Variants in PKD1 observed in about 807,000 individuals in gnomAD.
PKD1 encodes the protein polycystin-1.
In PKD1, 81 loss-of-function variants were observed where a neutral mutation model predicts 361.7. The observed-to-expected ratio is 0.22, with a 90% CI of 0.19 to 0.27. The LOEUF is 0.27. Ranked by LOEUF, PKD1 falls within the 10% of genes least tolerant of loss-of-function variation. PKD1 has a pLI of 1.00. For synonymous variants in PKD1, 3,615 were observed against 2,818.3 expected (o/e 1.28, Z -8.95); for missense variants, 6,399 against 6,118.3 (o/e 1.05, Z -1.53).
intron 1 of PKD1, among the ~76,000 whole-genome samples, chr16:2,121,422 AAAGAG>A (rs1431848594): frequency 2.0e-5 from 3 of 152,160 alleles, no homozygotes; most frequent in Admixed American, 2.0e-4. Flanking sequence ...GGGAGGAAAG[AAAGAG>A]AAAACTCCAA....
chr16:2,103,178 C>T, intron 23 of PKD1, 88 bp downstream of exon 23: 1 of 1,424,726 alleles, frequency 7.0e-7, no homozygotes, highest in East Asian at 2.4e-5. Flanking sequence ...CAAATTTCAC[C>T]AGAGACACCC....
Position 2,089,515 on chromosome 16 carries a change from C to T in PKD1, c.*212G>A, listed in dbSNP as rs1567141636. ...AACCGTCCAATACTGCTGTGTCCTTCCCAAGGGAGCTGGGGAGGGGACCCT... is the reference window on the plus strand; with the variant it reads ...AACCGTCCAATACTGCTGTGTCCTTTCCAAGGGAGCTGGGGAGGGGACCCT... On this transcript the variant is annotated 3_prime_UTR_variant, in exon 46 of 46. Transcript: ENST00000262304. 9.8e-6 allele frequency: 6 copies of T among 612,868 alleles called. No individual in the cohort carries two copies. Among genetic ancestry groups the T allele is most frequent in the East Asian group, 5.5e-5 (2 of 36,204 alleles). 38.0% of individuals were successfully genotyped at this position (612,868 alleles called of 1,614,324 possible).
intron 34 of PKD1, chr16:2,095,180 T>TG (rs112050776): frequency 0.18 from 26,612 of 152,010 alleles, 3,581 homozygotes; most frequent in African/African-American, 0.37. Flanking sequence ...GAGGCTGAGA[T>TG]GGGTGGATCA....
rs776529978 is a variant in PKD1, at chr16:2,110,369, T to C, written c.4798A>G (p.Thr1600Ala). ...PIPGGPTISY[T>A]FRSVGTFNII... ...TTGAAGGTGCCCACGGAGCGGAAGG[T>C]GTAAGAGATGGTAGGACCCCCAGGG... Residue 1600 changes from threonine to alanine, a missense_variant, in exon 15 of 46, where the codon ACC becomes GCC. By Grantham distance (58) the Thr-to-Ala change is moderately conservative. Coordinates refer to ENST00000262304, the MANE Select transcript of PKD1 (RefSeq NM_001009944.3). The C allele has an allele frequency of 1.2e-6, 2 of 1,612,296 alleles. No homozygotes were observed. Among genetic ancestry groups the C allele is most frequent in the East Asian group, 2.2e-5 (1 of 44,856 alleles).
chr16:2,103,314 T>A lies in PKD1; in HGVS notation c.8743A>T (p.Asn2915Tyr). ...TGCAGATGCAGCCCGGCCGCAGGGT[T>A]GCTGCTGTCCAGGGTGACCACAGCA... ...VGAVVTLDSSNPAAGLHLQLN... is the reference protein window; with the variant it reads ...VGAVVTLDSSYPAAGLHLQLN... The change falls in exon 23 of 46, where the codon AAC becomes TAC. Residue 2915 changes from asparagine to tyrosine, a missense_variant. Asn to Tyr is a moderately radical substitution (Grantham distance 143, BLOSUM62 -2). Transcript: ENST00000262304. The A allele has an allele frequency of 6.2e-7, 1 of 1,608,438 alleles. No individual in the cohort carries two copies. The highest frequency in any genetic ancestry group is 1.1e-5 in the South Asian group (1 of 90,982).
rs748155379 is a variant in PKD1 at position 2,102,912 on chromosome 16, G to A, written c.8850C>T (p.Pro2950=). 133 of 1,609,592 alleles carry A rather than the reference G, an allele frequency of 8.3e-5. No homozygotes were observed. Among genetic ancestry groups the A allele is most frequent in the Non-Finnish European group, 8.5e-5 (100 of 1,179,776 alleles). The change falls in exon 24 of 46, where the codon CCC becomes CCT. Residue 2950 remains proline, a synonymous_variant. Coordinates refer to ENST00000262304, the MANE Select transcript of PKD1 (RefSeq NM_001009944.3). ...CCGAGCAGTTGTGCTCATTGGGCCGGGGCTCCGAGTGTAGGTAGACTGCCA... is the reference window on the plus strand; with the variant it reads ...CCGAGCAGTTGTGCTCATTGGGCCGAGGCTCCGAGTGTAGGTAGACTGCCA... The part of the protein sequence containing the change: ...PYLAVYLHSE[P]RPNEHNCSAS...
chr16:2,115,297 G>A (rs2092612909), intron 10 of PKD1, 81 bp downstream of exon 10: 3 of 1,369,630 alleles, frequency 2.2e-6, no homozygotes, highest in Non-Finnish European at 2.0e-6. Flanking sequence ...TGTGTCTGGT[G>A]CACAGACCCA....
At position 2,111,118 on chromosome 16, in the gene PKD1, G is replaced by C. The variant is rs777460980; in HGVS notation, c.4049C>G (p.Thr1350Arg). Residue 1350 changes from threonine (T) to arginine (R), a missense_variant, in exon 15 of 46, where the codon ACG (threonine) becomes AGG (arginine). By Grantham distance (71) the Thr-to-Arg change is moderately conservative (BLOSUM62 -1). Coordinates refer to ENST00000262304, the MANE Select transcript of PKD1 (RefSeq NM_001009944.3). Reference sequence around the variant, plus strand: ...CGCCAGGGGGAACGTGCCGCTCCGCGTGAAGTTGTGTGTCACCGTCGGGCA... The same window carrying C: ...CGCCAGGGGGAACGTGCCGCTCCGCCTGAAGTTGTGTGTCACCGTCGGGCA... ...RGCPTVTHNFTRSGTFPLALV... is the reference protein window; with the variant it reads ...RGCPTVTHNFRRSGTFPLALV... 6.2e-7 allele frequency: 1 copy of C among 1,610,866 alleles called. No individual in the cohort carries two copies. Among genetic ancestry groups the C allele is most frequent in the South Asian group, 1.1e-5 (1 of 91,004 alleles).
Position 2,091,132 on chromosome 16 carries a change from C to T in PKD1, c.11755G>A (p.Ala3919Thr). 1.3e-6 allele frequency: 2 copies of T among 1,483,852 alleles called. No homozygotes were observed. Among genetic ancestry groups the T allele is most frequent in the South Asian group, 2.5e-5 (2 of 79,766 alleles). The allele number at this position is 1,483,852 out of a possible 1,614,324, so 91.9% of individuals were successfully genotyped here. A position where few individuals can be genotyped will look rare whatever the true frequency, so the allele number is the denominator to read the frequency against. Reference sequence around the variant, plus strand: ...CGCCCTTCCCTGTGCCAAGTACGGGCCTCGGCCACGGCGAAGTGCACGGCG... The same window carrying T: ...CGCCCTTCCCTGTGCCAAGTACGGGTCTCGGCCACGGCGAAGTGCACGGCG... ...LFAVHFAVAEARTWHREGRWR... is the reference protein window; with the variant it reads ...LFAVHFAVAETRTWHREGRWR... The change falls in exon 43 of 46, where the codon GCC becomes ACC. Residue 3919 changes from alanine to threonine, a missense_variant. Transcript: ENST00000262304.
chr16:2,123,828 A>G (rs2092758923), intron 1 of PKD1, among the ~76,000 whole-genome samples: 1 of 152,218 alleles, frequency 6.6e-6, no homozygotes, highest in Non-Finnish European at 1.5e-5. Context: ...AGCCAGGTGC[A>G]CAGGGACAGC....
intron 1 of PKD1, 24 bp downstream of exon 1, chr16:2,135,451 G>A (rs1388540498): frequency 2.6e-6 from 3 of 1,166,564 alleles, no homozygotes; most frequent in Non-Finnish European, 3.2e-6. Flanking sequence ...GCCTCTCCCG[G>A]GTGCCGCTGG....
rs1265239800 is a variant in PKD1, at chr16:2,103,504, C to T, written c.8553G>A (p.Met2851Ile). Reference sequence around the variant, plus strand: ...GGGCGCCGGCCTGTGTCTGGAATGCCATCGAGGCCACCTTGGTGGAGACGG... The same window carrying T: ...GGGCGCCGGCCTGTGTCTGGAATGCTATCGAGGCCACCTTGGTGGAGACGG... ...NYTVSTKVAS[M>I]AFQTQAGAQI... Residue 2851 changes from methionine (M) to isoleucine (I), a missense_variant, in exon 23 of 46, where the codon ATG becomes ATA. Met to Ile is a conservative substitution (Grantham distance 10, BLOSUM62 1). Coordinates refer to ENST00000262304, the MANE Select transcript of PKD1 (RefSeq NM_001009944.3). 6.2e-7 allele frequency: 1 copy of T among 1,604,528 alleles called. No homozygotes were observed. Among genetic ancestry groups the T allele is most frequent in the South Asian group, 1.1e-5 (1 of 90,994 alleles).
chr16:2,103,834 G>A lies in PKD1; in HGVS notation c.8223C>T (p.Ala2741=), dbSNP rs768694524. The A allele has an allele frequency of 6.2e-6, 10 of 1,607,528 alleles. No individual in the cohort carries two copies. The highest frequency in any genetic ancestry group is 4.1e-5 in the African/African-American group (3 of 73,982). The stretch of plus-strand genomic sequence containing the variant: ...ACGCCACCATCCGAGATGGTGACTC[G>A]GCTCCCAGCTCTGAGGGCTGTGGTG... The part of the protein sequence containing the change: ...VRAPQPSELG[A]ESPSRMVASQ... The change falls in exon 23 of 46, where the codon GCC becomes GCT. Residue 2741 remains alanine (A), a synonymous_variant. Transcript: ENST00000262304.
chr16:2,111,281 C>A lies in PKD1; in HGVS notation c.3886G>T (p.Val1296Leu), dbSNP rs1352723913. The A allele has an allele frequency of 6.2e-7, 1 of 1,609,430 alleles. No homozygotes were observed. Among genetic ancestry groups the A allele is most frequent in the Non-Finnish European group, 8.5e-7 (1 of 1,179,468 alleles). The change falls in exon 15 of 46, where the codon GTG becomes TTG. Residue 1296 changes from valine to leucine, a missense_variant. Val to Leu is a conservative substitution (Grantham distance 32, BLOSUM62 1). Coordinates refer to ENST00000262304, the MANE Select transcript of PKD1 (RefSeq NM_001009944.3). ...CAGGCGGCGGGTTCAACGCGCAGCA[C>A]CTCCAGGACGAAGACCAGCACGTGC... ...SLHVLVFVLE[V>L]LRVEPAACIP...
At position 2,106,601 on chromosome 16, in the gene PKD1, A is replaced by C. The variant is rs1430979320; in HGVS notation, c.7286T>G (p.Met2429Arg). The C allele has an allele frequency of 6.3e-7, 1 of 1,598,518 alleles. No individual in the cohort carries two copies. The highest frequency in any genetic ancestry group is 8.5e-7 in the Non-Finnish European group (1 of 1,179,176). ...ETTTSTGSAGMRLVLRRGVLR... is the reference protein window; with the variant it reads ...ETTTSTGSAGRRLVLRRGVLR... ...CACGCCCCGCCGCAGCACCAGTCGC[A>C]TGCCTGCACTGCCCGTGGATGTGGT... The change falls in exon 18 of 46, where the codon ATG (methionine) becomes AGG (arginine). Residue 2429 changes from methionine to arginine, a missense_variant. Met to Arg is a moderately conservative substitution (Grantham distance 91). Coordinates refer to ENST00000262304, the MANE Select transcript of PKD1 (RefSeq NM_001009944.3). This position sits in a 1 kb window ranked among gnomAD's most constrained non-coding sequence, Gnocchi z 6.5.
intron 1 of PKD1, among the ~76,000 whole-genome samples, chr16:2,120,405 G>C (rs2092702429): frequency 6.6e-6 from 1 of 152,162 alleles, no homozygotes; most frequent in African/African-American, 2.4e-5. Flanking sequence ...AGCTAATAAA[G>C]AAAACGTCAA....
In PKD1 at chr16:2,130,509, G is replaced by A. The variant is rs1046867079; in HGVS notation, c.215+4966C>T. ...GTTGAACGCGGGCTCCAGTGATAAC[G>A]GAGCCCTCGAGGGTGGCCCTCCTTC... is the stretch of plus-strand genomic sequence containing the variant. On this transcript the variant is annotated intron_variant, in intron 1 of 45. Coordinates refer to ENST00000262304, the MANE Select transcript of PKD1 (RefSeq NM_001009944.3). 5.9e-5 allele frequency among the ~76,000 whole-genome samples: 9 copies of A among 152,310 alleles called. No homozygotes were observed. The East Asian group carries it at 7.7e-4, about 13-fold the overall frequency.
At position 2,088,881 on chromosome 16, in the gene PKD1, G is replaced by GCGCACACACACACACACACACACACA. The variant is rs142285430; in HGVS notation, c.*845_*846insTGTGTGTGTGTGTGTGTGTGTGTGCG. 2.4e-6 allele frequency: 1 copy of GCGCACACACACACACACACACACACA among 410,744 alleles called. No homozygotes were observed. Among genetic ancestry groups the GCGCACACACACACACACACACACACA allele is most frequent in the African/African-American group, 2.3e-5 (1 of 44,062 alleles). 25.4% of individuals were successfully genotyped at this position (410,744 alleles called of 1,614,324 possible). Reference sequence around the variant, plus strand: ...ACAGCACACTCGCGCGTGCGCGCGCGCACACACACACACACACAGTCACCT... The same window carrying GCGCACACACACACACACACACACACA: ...ACAGCACACTCGCGCGTGCGCGCGCGCGCACACACACACACACACACACACACACACACACACACACACAGTCACCT... On this transcript the variant is annotated 3_prime_UTR_variant, in exon 46 of 46. Coordinates refer to ENST00000262304, the MANE Select transcript of PKD1 (RefSeq NM_001009944.3).
rs563893500 is a variant in PKD1 at position 2,089,835 on chromosome 16, T to A, written c.12804A>T (p.Pro4268=). 6.2e-7 allele frequency: 1 copy of A among 1,604,778 alleles called. No homozygotes were observed. Among genetic ancestry groups the A allele is most frequent in the South Asian group, 1.1e-5 (1 of 89,860 alleles). ...SSRGPSPGLR[P]ALPSRLARAS... ...CCCGGGCAAGGCGGCTGGGCAGTGC[T>A]GGCCGCAGGCCCGGGGATGGGCCAC... Residue 4268 remains proline, a synonymous_variant, in exon 46 of 46, where the codon CCA becomes CCT. Transcript: ENST00000262304.
Sources: gnomAD v4.1 joint callset for allele counts (sites outside exome capture counted in the v4.1 genomes callset) on GRCh38, gnomAD v4.1.1 for gene constraint, Gnocchi (gnomAD v3.1) non-coding constraint, MANE v1.5 for transcripts, NCBI Gene and HGNC (gene_info 2026-07-23, HGNC 2026-07-21) for gene names.